PKP1: variants seen among roughly 807,000 people sequenced by gnomAD.
PKP1 encodes the protein plakophilin-1.
Under a neutral mutation model 76.4 loss-of-function variants are expected in PKP1, and 27 were observed. That is an observed-to-expected ratio of 0.35 (90% confidence interval 0.26 to 0.49). The LOEUF is 0.49. PKP1 is among the 20% of genes least tolerant of loss of function. The probability of loss-of-function intolerance (pLI) is 0.99; values close to 1 mark genes in which losing one functional copy is unlikely to be tolerated. For missense variants in PKP1, 964 were observed against 955.2 expected, an observed-to-expected ratio of 1.01 and a Z score of -0.12; for synonymous variants, 404 against 384.2, an observed-to-expected ratio of 1.05 and a Z score of -0.60.
intron 1 of PKP1, among the ~76,000 whole-genome samples, chr1:201,288,568 T>C (rs916306624): frequency 2.6e-5 from 4 of 152,148 alleles, no homozygotes; most frequent in Non-Finnish European, 5.9e-5. Flanking sequence ...GTCCCTGTCC[T>C]TCACTCACAC....
intron 1 of PKP1, among the ~76,000 whole-genome samples, chr1:201,288,789 C>G (rs1655813485): frequency 6.6e-6 from 1 of 152,124 alleles, no homozygotes; most frequent in Admixed American, 6.5e-5. Flanking sequence ...CATGCTCTGC[C>G]CAGTCCTCAG....
In PKP1 at chr1:201,294,050, G is replaced by A; in HGVS notation, c.306+5G>A. 1 of 1,588,048 alleles carries A rather than the reference G, an allele frequency of 6.3e-7. No individual in the cohort carries two copies. Among genetic ancestry groups the A allele is most frequent in the South Asian group, 1.1e-5 (1 of 90,298 alleles). ...AATGGCTCATGGGGATATCCGGTAA[G>A]GAACTGCTTCCATCCTAAAAGACCT... On this transcript the variant is annotated splice_donor_5th_base_variant and intron_variant, in intron 2 of 13. Transcript: ENST00000367324.
At chr1:201,302,064 C>T (rs1656248598) in intron 2 of PKP1, among the ~76,000 whole-genome samples, 1 of 152,204 alleles carries the variant, frequency 6.6e-6, no homozygotes, top group Non-Finnish European at 1.5e-5. Flanking sequence ...TGTCCTCAGT[C>T]AGCTCTCAAG....
At position 201,288,677 on chromosome 1, in the gene PKP1, G is replaced by A. The variant is rs531854897; in HGVS notation, c.202+4773G>A. On this transcript the variant is annotated intron_variant, in intron 1 of 13. Transcript: ENST00000367324. ...CACACTTAATGTAGTAGTTGCTGGC[G>A]AGAGCCTTTGACTCTGAACCCCACC... 5.9e-5 allele frequency among the ~76,000 whole-genome samples: 9 copies of A among 152,038 alleles called. 1 individual carries two copies. Among genetic ancestry groups the A allele is most frequent in the Non-Finnish European group, 1.3e-4 (9 of 68,014 alleles).
intron 2 of PKP1, among the ~76,000 whole-genome samples, chr1:201,298,565 C>A (rs1459125548): frequency 2.0e-5 from 3 of 152,172 alleles, no homozygotes; most frequent in Non-Finnish European, 2.9e-5. Flanking sequence ...ACCACTGAGG[C>A]ATCATCAGAG....
chr1:201,316,648 C>A lies in PKP1; in HGVS notation c.797C>A (p.Ala266Asp), dbSNP rs752617382. The A allele has an allele frequency of 1.9e-6, 3 of 1,613,692 alleles. No homozygotes were observed. Among genetic ancestry groups the A allele is most frequent in the East Asian group, 4.5e-5 (2 of 44,900 alleles). ...SQDEKYQAIG[A>D]YYIQHTCFQD... ...GATGAGAAGTACCAGGCCATTGGGG[C>A]CTATTACATCCAGCATACCTGCTTC... is the stretch of plus-strand genomic sequence containing the variant. The change falls in exon 4 of 14, where the codon GCC (alanine) becomes GAC (aspartate). Residue 266 changes from alanine (A) to aspartate (D), a missense_variant. By Grantham distance (126) the Ala-to-Asp change is moderately radical (BLOSUM62 -2). Coordinates refer to ENST00000367324, the MANE Select transcript of PKP1 (RefSeq NM_001005337.3).
chr1:201,294,506 C>G (rs1053441703), intron 2 of PKP1, among the ~76,000 whole-genome samples: 1 of 152,156 alleles, frequency 6.6e-6, no homozygotes, highest in African/African-American at 2.4e-5. Flanking sequence ...TAGAGTGGAG[C>G]CTCCCTGACA....
At chr1:201,292,281 C>T (rs966777684) in intron 1 of PKP1, among the ~76,000 whole-genome samples, 11 of 152,150 alleles carry the variant, frequency 7.2e-5, no homozygotes, top group South Asian at 2.1e-4. Flanking sequence ...TGGAACTGTA[C>T]GGGGCCTATG....
At position 201,322,978 on chromosome 1, in the gene PKP1, C is replaced by G. The variant is rs1396397491; in HGVS notation, c.1504-35C>G. Reference sequence around the variant, plus strand: ...TGGGTTGTGTCCTCTCACAAGGCTCCCCATTGACCCCCCTGACCGGCTCTT... The same window carrying G: ...TGGGTTGTGTCCTCTCACAAGGCTCGCCATTGACCCCCCTGACCGGCTCTT... On this transcript the variant is annotated intron_variant, in intron 8 of 13. Coordinates refer to ENST00000367324, the MANE Select transcript of PKP1 (RefSeq NM_001005337.3). 4.4e-6 allele frequency: 7 copies of G among 1,607,226 alleles called. No individual in the cohort carries two copies. The East Asian group carries it at 1.3e-4, about 31-fold the overall frequency.
intron 2 of PKP1, among the ~76,000 whole-genome samples, chr1:201,300,468 G>A (rs1408085435): frequency 1.3e-5 from 2 of 152,218 alleles, no homozygotes; most frequent in Admixed American, 1.3e-4. Flanking sequence ...TCCCCTCCAT[G>A]GCAGGTGAGT....
chr1:201,287,717 C>G (rs149114648), intron 1 of PKP1, among the ~76,000 whole-genome samples: 1 of 152,170 alleles, frequency 6.6e-6, no homozygotes, highest in South Asian at 2.1e-4. Context: ...TTCTCTGGAT[C>G]CTGCTCCTTG....
chr1:201,327,725 C>T (rs1657188953), intron 12 of PKP1, among the ~76,000 whole-genome samples: 1 of 152,052 alleles, frequency 6.6e-6, no homozygotes, highest in African/African-American at 2.4e-5. Flanking sequence ...CTCCTCCTTC[C>T]AGCTATGCTT....
At chr1:201,292,521 G>A (rs1443704542) in intron 1 of PKP1, among the ~76,000 whole-genome samples, 1 of 152,170 alleles carries the variant, frequency 6.6e-6, no homozygotes, top group Non-Finnish European at 1.5e-5. Context: ...CGCTGGACAG[G>A]GGAGGTGGCA....
rs147985721 is a variant in PKP1, at chr1:201,296,383, A to C, written c.306+2338A>C. Among the ~76,000 whole-genome samples, 375 of 152,344 alleles carry C rather than the reference A, an allele frequency of 2.5e-3. 1 individual carries two copies. Among genetic ancestry groups the C allele is most frequent in the Middle Eastern group, 0.017 (5 of 294 alleles). On this transcript the variant is annotated intron_variant, in intron 2 of 13. Coordinates refer to ENST00000367324, the MANE Select transcript of PKP1 (RefSeq NM_001005337.3). ...CGTGGGATTTTCCCATGGATGGTAC[A>C]ACTGGCACAGGACGATGTTATTCCT...
intron 2 of PKP1, among the ~76,000 whole-genome samples, chr1:201,297,109 T>C (rs575452429): frequency 6.6e-6 from 1 of 152,216 alleles, no homozygotes; most frequent in Non-Finnish European, 1.5e-5. Context: ...ATCATACTAT[T>C]TATAATCTAT....
At chr1:201,310,272 G>T (rs907122468) in intron 2 of PKP1, among the ~76,000 whole-genome samples, 4 of 152,144 alleles carry the variant, frequency 2.6e-5, no homozygotes, top group Admixed American at 2.0e-4. Flanking sequence ...TTAGTTCACT[G>T]GATTCTCCCA....
At position 201,320,381 on chromosome 1, in the gene PKP1, G is replaced by A; in HGVS notation, c.1347G>A (p.Lys449=). Residue 449 remains lysine, a splice_region_variant and synonymous_variant, in exon 7 of 14, where the codon AAG becomes AAA. Coordinates refer to ENST00000367324, the MANE Select transcript of PKP1 (RefSeq NM_001005337.3). ...NCVAASRCDD[K]SVENCMCVLH... ...TAGCGGCCAGCCGCTGTGACGACAAGGTGAGTGCATCCCCTGGTGGCACCC... is the reference window on the plus strand; with the variant it reads ...TAGCGGCCAGCCGCTGTGACGACAAAGTGAGTGCATCCCCTGGTGGCACCC... The A allele has an allele frequency of 6.3e-7, 1 of 1,598,982 alleles. No homozygotes were observed. Among genetic ancestry groups the A allele is most frequent in the South Asian group, 1.1e-5 (1 of 90,778 alleles).
chr1:201,311,332 A>C (rs1656545660), intron 2 of PKP1, among the ~76,000 whole-genome samples: 1 of 152,186 alleles, frequency 6.6e-6, no homozygotes, highest in Admixed American at 6.5e-5. Flanking sequence ...TTGTCCATCT[A>C]TGCCTCTCCC....
At chr1:201,318,875 A>G (rs1656852849) in intron 6 of PKP1, 80 bp downstream of exon 6, 2 of 1,228,478 alleles carry the variant, frequency 1.6e-6, no homozygotes, top group African/African-American at 1.5e-5. Context: ...GCCAACATTC[A>G]GCCGGTGCAT....
Sources: gnomAD v4.1 joint callset for allele counts (sites outside exome capture counted in the v4.1 genomes callset) on GRCh38, gnomAD v4.1.1 for gene constraint, MANE v1.5 for transcripts, NCBI Gene and HGNC (gene_info 2026-07-23, HGNC 2026-07-21) for gene names.